SLC9C2: variants seen among roughly 807,000 people sequenced by gnomAD.
SLC9C2 encodes the protein sodium/hydrogen exchanger 11.
SLC9C2 carries 75 observed loss-of-function variants against 140.2 expected under a neutral mutation model. The observed-to-expected ratio is 0.53, with a 90% CI of 0.44 to 0.65. The LOEUF (loss-of-function observed/expected upper bound fraction) is 0.65. Among genes scored for constraint, SLC9C2 ranks in the 30% least tolerant of loss-of-function variants. SLC9C2 has a pLI of 0.00. For missense variants in SLC9C2, 1,074 were observed against 1,331.8 expected (o/e 0.81, Z 3.01); for synonymous variants, 375 against 420.9 (o/e 0.89, Z 1.34).
At chr1:173,544,929 C>A (rs1464640412) in intron 13 of SLC9C2, among the ~76,000 whole-genome samples, 1 of 152,092 alleles carries the variant, frequency 6.6e-6, no homozygotes, top group Non-Finnish European at 1.5e-5. Flanking sequence ...ATGGGTGCAG[C>A]AAACCAACAT....
chr1:173,572,604 T>A (rs1008232695), intron 9 of SLC9C2, among the ~76,000 whole-genome samples: 1 of 152,232 alleles, frequency 6.6e-6, no homozygotes, highest in Non-Finnish European at 1.5e-5. Flanking sequence ...TTTGCTCTTA[T>A]GAGTTGAGTG....
chr1:173,548,911 C>T (rs770887842), intron 11 of SLC9C2, among the ~76,000 whole-genome samples: 1 of 152,182 alleles, frequency 6.6e-6, no homozygotes, highest in Non-Finnish European at 1.5e-5. Context: ...GGGTTCCACT[C>T]CATACCTACA....
intron 18 of SLC9C2, among the ~76,000 whole-genome samples, 161 bp from the exon 19 acceptor site, chr1:173,526,875 T>G (rs1335868412): frequency 6.6e-6 from 1 of 152,202 alleles, no homozygotes; most frequent in African/African-American, 2.4e-5. Flanking sequence ...AGACAGAGTC[T>G]TGCTCTGTTG....
intron 23 of SLC9C2, among the ~76,000 whole-genome samples, chr1:173,510,010 T>C (rs1179780941): frequency 1.3e-5 from 2 of 152,242 alleles, no homozygotes; most frequent in East Asian, 3.8e-4. Flanking sequence ...CTAAGCCATA[T>C]GAACTTATCT....
intron 8 of SLC9C2, among the ~76,000 whole-genome samples, chr1:173,574,033 T>C (rs1002300851): frequency 2.6e-5 from 4 of 152,180 alleles, no homozygotes; most frequent in African/African-American, 9.7e-5. Flanking sequence ...TCTTGCTGAG[T>C]AGACCAGAGC....
At chr1:173,544,068 C>G (rs1016388196) in intron 13 of SLC9C2, among the ~76,000 whole-genome samples, 1 of 152,128 alleles carries the variant, frequency 6.6e-6, no homozygotes. Flanking sequence ...AGTGAACAGG[C>G]AACCTACAGA....
At chr1:173,516,951 T>G (rs1660465100) in intron 23 of SLC9C2, among the ~76,000 whole-genome samples, 1 of 152,228 alleles carries the variant, frequency 6.6e-6, no homozygotes, top group African/African-American at 2.4e-5. Flanking sequence ...ATTGTTCCTT[T>G]TTCTCCACAA....
chr1:173,593,573 C>A (rs1034994177), intron 4 of SLC9C2, among the ~76,000 whole-genome samples: 1 of 152,068 alleles, frequency 6.6e-6, no homozygotes, highest in Non-Finnish European at 1.5e-5. Context: ...TTAAAAGGCA[C>A]AGAGTGACAA....
In SLC9C2 at chr1:173,530,031, T is replaced by C. The variant is rs1553250199; in HGVS notation, c.2187A>G (p.Arg729=). ...GCTTTTTGATCTGCACATCTGCAATTCTTATCAGTATTGGTACTATTATCT... is the reference window on the plus strand; with the variant it reads ...GCTTTTTGATCTGCACATCTGCAATCCTTATCAGTATTGGTACTATTATCT... The part of the protein sequence containing the change: ...LFKIIVPILI[R]IADVQIKKRL... The change falls in exon 18 of 28, where the codon AGA becomes AGG. Residue 729 remains arginine, a synonymous_variant. Coordinates refer to ENST00000367714, the MANE Select transcript of SLC9C2 (RefSeq NM_178527.4). 10 of 1,611,504 alleles carry C rather than the reference T, an allele frequency of 6.2e-6. No homozygotes were observed. In the Admixed American group the frequency reaches 1.7e-4, roughly 27 times the overall value.
chr1:173,557,640 T>G, intron 9 of SLC9C2, 132 bp from the exon 10 acceptor site: 1 of 786,016 alleles, frequency 1.3e-6, no homozygotes, highest in South Asian at 1.9e-5. Context: ...AATTTACTGT[T>G]AAGTCCTTCC....
chr1:173,515,102 A>G (rs2101921021), intron 23 of SLC9C2, among the ~76,000 whole-genome samples: 1 of 151,762 alleles, frequency 6.6e-6, no homozygotes, highest in South Asian at 2.1e-4. Context: ...CTTCATTTCA[A>G]CCTTGGAGAA....
intron 22 of SLC9C2, 128 bp from the exon 23 acceptor site, chr1:173,517,832 G>A (rs922974295): frequency 2.7e-6 from 2 of 739,776 alleles, no homozygotes; most frequent in Non-Finnish European, 4.0e-6. Context: ...AGGTGTGAAA[G>A]AAGAATTAGG....
rs1321004053 is a variant in SLC9C2 at position 173,548,272 on chromosome 1, T to G, written c.1461+117A>C. 4.0e-6 allele frequency: 4 copies of G among 1,004,670 alleles called. No individual in the cohort carries two copies. In the African/African-American group the frequency reaches 6.7e-5, roughly 17 times the overall value. 62.2% of individuals were successfully genotyped at this position (1,004,670 alleles called of 1,614,324 possible). On this transcript the variant is annotated intron_variant, in intron 12 of 27. Transcript: ENST00000367714. ...CAAAATAGCAAAGCCAGTAACTATC[T>G]CCCCTCAGTTTTGTGACATTTAATT... is the stretch of plus-strand genomic sequence containing the variant.
In SLC9C2 at chr1:173,574,004, C is replaced by T. The variant is rs190310355; in HGVS notation, c.903-679G>A. On this transcript the variant is annotated intron_variant, in intron 8 of 27. Coordinates refer to ENST00000367714, the MANE Select transcript of SLC9C2 (RefSeq NM_178527.4). Reference sequence around the variant, plus strand: ...ACCCAGACTGAATTCTAAAAATGGACAGAACCACCCCCAGAGATTCTTGCT... The same window carrying T: ...ACCCAGACTGAATTCTAAAAATGGATAGAACCACCCCCAGAGATTCTTGCT... Among the ~76,000 whole-genome samples, 12 of 152,306 alleles carry T rather than the reference C, an allele frequency of 7.9e-5. No individual in the cohort carries two copies. The East Asian group carries it at 2.3e-3, about 29-fold the overall frequency.
intron 9 of SLC9C2, among the ~76,000 whole-genome samples, chr1:173,559,383 G>A (rs1438114927): frequency 6.6e-6 from 1 of 152,258 alleles, no homozygotes; most frequent in African/African-American, 2.4e-5. Context: ...TGATTTAGGT[G>A]TTTTGTGTTA....
chr1:173,550,035 G>A (rs916261182), intron 11 of SLC9C2, among the ~76,000 whole-genome samples: 1 of 152,158 alleles, frequency 6.6e-6, no homozygotes, highest in Non-Finnish European at 1.5e-5. Flanking sequence ...CAAGACTTCC[G>A]GCATCAAATT....
chr1:173,508,855 G>A (rs1414734636), intron 24 of SLC9C2, among the ~76,000 whole-genome samples: 1 of 152,140 alleles, frequency 6.6e-6, no homozygotes, highest in Non-Finnish European at 1.5e-5. Context: ...CCATGAGAGA[G>A]GCTCAGTCAC....
chr1:173,580,147 A>G (rs944783717), intron 7 of SLC9C2, among the ~76,000 whole-genome samples: 4 of 134,192 alleles, frequency 3.0e-5, no homozygotes, highest in African/African-American at 1.1e-4. Flanking sequence ...GCAGTGTTGC[A>G]GTGTCTTCCA....
intron 11 of SLC9C2, 102 bp downstream of exon 11, chr1:173,554,631 A>G (rs1295931480): frequency 1.4e-6 from 1 of 730,284 alleles, no homozygotes; most frequent in East Asian, 2.6e-5. Context: ...TAATTTCTAA[A>G]CCAATTCCTT....
Sources: allele counts gnomAD v4.1 joint callset (sites outside exome capture counted in the v4.1 genomes callset), GRCh38; gene constraint gnomAD v4.1.1; transcripts MANE v1.5; gene names NCBI Gene and HGNC (gene_info 2026-07-23, HGNC 2026-07-21).